SLC39A4: variants seen among roughly 807,000 people sequenced by gnomAD.
SLC39A4 encodes zinc transporter ZIP4.
SLC39A4 carries 49 observed loss-of-function variants against 56.6 expected under a neutral mutation model. The ratio of observed to expected loss-of-function variants is 0.87; its 90% CI spans 0.69 to 1.10. The LOEUF is 1.10. Ranked by LOEUF, SLC39A4 falls within the 50% of genes least tolerant of loss-of-function variation. The pLI, the probability that SLC39A4 is intolerant of heterozygous loss-of-function variation, is 0.00. For missense variants in SLC39A4, 993 were observed against 864.2 expected (o/e 1.15, Z -1.87); for synonymous variants, 540 against 420.4 (o/e 1.28, Z -3.48).
intron 8 of SLC39A4, 49 bp from the exon 9 acceptor site, chr8:144,413,616 G>A (rs1554872497): frequency 1.9e-6 from 3 of 1,548,000 alleles, no homozygotes; most frequent in South Asian, 1.2e-5. Context: ...GGAGGAACGC[G>A]GTGGGGCGGG....
In SLC39A4 at chr8:144,413,861, G is replaced by A. The variant is rs782241064; in HGVS notation, c.1308C>T (p.Cys436=). 36 of 1,600,956 alleles carry A rather than the reference G, an allele frequency of 2.2e-5. No homozygotes were observed. Among genetic ancestry groups the A allele is most frequent in the South Asian group, 2.2e-4 (20 of 89,472 alleles). The change falls in exon 8 of 12, where the codon TGC becomes TGT. Residue 436 remains cysteine, a synonymous_variant. Transcript: ENST00000301305. ...CCCCGTGGCTATGGCTGCTGTGGCC[G>A]CAGGGCCCGTCCTCCAGGTCCTGTG... ...RDPEDLEDGP[C]GHSSHSHGGH...
chr8:144,413,339 A>G lies in SLC39A4; in HGVS notation c.1525T>C (p.Phe509Leu), dbSNP rs1554872291. 8 of 1,606,814 alleles carry G rather than the reference A, an allele frequency of 5.0e-6. No homozygotes were observed. The South Asian group carries it at 6.6e-5, about 13-fold the overall frequency. Residue 509 changes from phenylalanine to leucine, a missense_variant, in exon 10 of 12, where the codon TTC (phenylalanine) becomes CTC (leucine). Coordinates refer to ENST00000301305, the MANE Select transcript of SLC39A4 (RefSeq NM_130849.4). ...GCGCCCACGGCCAGCCCGTCGGCGA[A>G]GTTGTGCACGGCGTCGCCCAGAGTG... ...MITLGDAVHN[F>L]ADGLAVGAAF...
rs547832653 is a variant in SLC39A4 at position 144,415,925 on chromosome 8, G to A, written c.359C>T (p.Ala120Val). Residue 120 changes from alanine (A) to valine (V), a missense_variant, in exon 2 of 12, where the codon GCC (alanine) becomes GTC (valine). Coordinates refer to ENST00000301305, the MANE Select transcript of SLC39A4 (RefSeq NM_130849.4). Reference sequence around the variant, plus strand: ...GGCCAGGAGGTGGTCTGCATGAGAGGCCCAGAGGCCAGCCCGAGCGTCCTC... The same window carrying A: ...GGCCAGGAGGTGGTCTGCATGAGAGACCCAGAGGCCAGCCCGAGCGTCCTC... ...TCEDARAGLWASHADHLLALL... is the reference protein window; with the variant it reads ...TCEDARAGLWVSHADHLLALL... The A allele has an allele frequency of 1.7e-4, 267 of 1,595,700 alleles. 4 individuals carry two copies. In the South Asian group the frequency reaches 2.8e-3, roughly 17 times the overall value.
intron 5 of SLC39A4, 47 bp downstream of exon 5, chr8:144,414,678 G>C (rs371953180): frequency 1.2e-6 from 2 of 1,603,846 alleles, no homozygotes; most frequent in Admixed American, 3.4e-5. Context: ...CTTCCTACAC[G>C]GGCTCCACCT....
intron 6 of SLC39A4, 63 bp downstream of exon 6, chr8:144,414,199 G>A: frequency 1.9e-6 from 3 of 1,584,920 alleles, no homozygotes; most frequent in Admixed American, 3.7e-5. Context: ...CCCTGGGAGG[G>A]CACGGCCTGG....
Position 144,413,190 on chromosome 8 carries a change from C to T in SLC39A4, c.1627+47G>A, listed in dbSNP as rs202118058. ...ACCTGTTCCAGGTCTCCCCTCCCAGCCCCGTGCGGCCCCGCCCATCTCCTT... is the reference window on the plus strand; with the variant it reads ...ACCTGTTCCAGGTCTCCCCTCCCAGTCCCGTGCGGCCCCGCCCATCTCCTT... On this transcript the variant is annotated intron_variant, in intron 10 of 11. Coordinates refer to ENST00000301305, the MANE Select transcript of SLC39A4 (RefSeq NM_130849.4). 353 of 1,521,338 alleles carry T rather than the reference C, an allele frequency of 2.3e-4. 3 individuals carry two copies. The African/African-American group carries it at 4.5e-3, about 19-fold the overall frequency. The allele number at this position is 1,521,338 out of a possible 1,614,324, so 94.2% of individuals were successfully genotyped here.
chr8:144,413,485 C>A, intron 9 of SLC39A4, 28 bp downstream of exon 9: 1 of 1,560,964 alleles, frequency 6.4e-7, no homozygotes, highest in Non-Finnish European at 8.7e-7. Context: ...GATCCCCCAG[C>A]CCTTCCGGGG....
Position 144,414,019 on chromosome 8 carries a change from C to T in SLC39A4, c.1226G>A (p.Gly409Glu), listed in dbSNP as rs1822039309. Residue 409 changes from glycine to glutamate, a missense_variant, in exon 7 of 12, where the codon GGG (glycine) becomes GAG (glutamate). By Grantham distance (98) the Gly-to-Glu change is moderately conservative. Coordinates refer to ENST00000301305, the MANE Select transcript of SLC39A4 (RefSeq NM_130849.4). ...PTWRLLAMLAGLYAFFLFENL... is the reference protein window; with the variant it reads ...PTWRLLAMLAELYAFFLFENL... ...CTCAAACAGGAAGAAGGCGTAGAGCCCGGCCAGCATAGCCAGGAGGCGCCA... is the reference window on the plus strand; with the variant it reads ...CTCAAACAGGAAGAAGGCGTAGAGCTCGGCCAGCATAGCCAGGAGGCGCCA... 2.5e-6 allele frequency: 4 copies of T among 1,600,286 alleles called. No individual in the cohort carries two copies. The highest frequency in any genetic ancestry group is 3.4e-6 in the Non-Finnish European group (4 of 1,173,442).
chr8:144,413,753 G>A lies in SLC39A4; in HGVS notation c.1416C>T (p.Asp472=), dbSNP rs369968529. The stretch of plus-strand genomic sequence containing the variant: ...GGGGCATCTGGCGCCCACTCACCAG[G>A]TCTGCGCGGGAGCCCTCGTGGGGGG... ...PKPPHEGSRA[D]LVAEESPELL... Residue 472 remains aspartate, a synonymous_variant, in exon 8 of 12, where the codon GAC becomes GAT. Coordinates refer to ENST00000301305, the MANE Select transcript of SLC39A4 (RefSeq NM_130849.4). 127 of 1,537,814 alleles carry A rather than the reference G, an allele frequency of 8.3e-5. No homozygotes were observed. The highest frequency in any genetic ancestry group is 1.1e-4 in the Non-Finnish European group (123 of 1,147,626).
chr8:144,414,940 GTGA>G (rs1554873316), intron 4 of SLC39A4, 31 bp downstream of exon 4: 1 of 1,613,004 alleles, frequency 6.2e-7, no homozygotes, highest in Non-Finnish European at 8.5e-7. Flanking sequence ...GCAGACCCCG[GTGA>G]GGCCCCATCT....
At chr8:144,413,045 G>A in intron 10 of SLC39A4, 99 bp from the exon 11 acceptor site, 1 of 1,456,312 alleles carries the variant, frequency 6.9e-7, no homozygotes, top group South Asian at 1.2e-5. Context: ...CCGCCCACCT[G>A]TTCCCGGTCT....
chr8:144,415,432 G>A lies in SLC39A4; in HGVS notation c.475-13C>T, dbSNP rs782079562. 3.8e-6 allele frequency: 6 copies of A among 1,588,420 alleles called. No homozygotes were observed. The highest frequency in any genetic ancestry group is 2.3e-5 in the East Asian group (1 of 43,850). ...TATCTACGCAGGCCTGGGGAAGAGG[G>A]GGCCTCCGCCTCAGCCTTTGGTGTG... is the stretch of plus-strand genomic sequence containing the variant. On this transcript the variant is annotated splice_polypyrimidine_tract_variant and intron_variant, in intron 2 of 11. Coordinates refer to ENST00000301305, the MANE Select transcript of SLC39A4 (RefSeq NM_130849.4).
Position 144,413,736 on chromosome 8 carries a change from T to C in SLC39A4, c.1419+14A>G. The stretch of plus-strand genomic sequence containing the variant: ...GGGGCTCCGCGTGGGATGGGGCATC[T>C]GGCGCCCACTCACCAGGTCTGCGCG... On this transcript the variant is annotated intron_variant, in intron 8 of 11. Transcript: ENST00000301305. 6.5e-7 allele frequency: 1 copy of C among 1,535,304 alleles called. No individual in the cohort carries two copies. Among genetic ancestry groups the C allele is most frequent in the Non-Finnish European group, 8.7e-7 (1 of 1,146,336 alleles).
intron 5 of SLC39A4, 42 bp from the exon 6 acceptor site, chr8:144,414,476 C>T (rs781804448): frequency 6.5e-7 from 1 of 1,548,818 alleles, no homozygotes; most frequent in Non-Finnish European, 8.7e-7. Context: ...TTCTTCCAGA[C>T]TCAGCCCCTG....
At chr8:144,413,715 C>T in intron 8 of SLC39A4, 35 bp downstream of exon 8, 4 of 1,535,156 alleles carry the variant, frequency 2.6e-6, no homozygotes, top group Non-Finnish European at 3.5e-6. Context: ...GTGGGAGGGG[C>T]TCCGCGTGGG....
At chr8:144,413,078 G>T (rs1821959891) in intron 10 of SLC39A4, 132 bp from the exon 11 acceptor site, 3 of 511,192 alleles carry the variant, frequency 5.9e-6, no homozygotes, top group South Asian at 3.2e-5. Context: ...GTCAGATCCC[G>T]CCCATCACCT....
intron 3 of SLC39A4, 24 bp from the exon 4 acceptor site, chr8:144,415,134 C>A: frequency 6.2e-7 from 1 of 1,612,560 alleles, no homozygotes; most frequent in Middle Eastern, 1.7e-4. Flanking sequence ...GAGTTGGCAC[C>A]GCGAGTCTGT....
chr8:144,412,719 G>A (rs782694301), intron 11 of SLC39A4, 40 bp downstream of exon 11: 1 of 1,613,362 alleles, frequency 6.2e-7, no homozygotes, highest in South Asian at 1.1e-5. Context: ...CCTCTGCTCA[G>A]CTCCCGGCCC....
intron 3 of SLC39A4, 29 bp downstream of exon 3, chr8:144,415,198 C>T: frequency 3.7e-6 from 6 of 1,612,662 alleles, no homozygotes; most frequent in Non-Finnish European, 5.1e-6. Context: ...TCGGGGGTGC[C>T]CCCCTCCACA....
Sources: gnomAD v4.1 joint callset for allele counts on GRCh38, gnomAD v4.1.1 for gene constraint, MANE v1.5 for transcripts, NCBI Gene and HGNC (gene_info 2026-07-23, HGNC 2026-07-21) for gene names.